TNS2: variants seen among roughly 807,000 people sequenced by gnomAD.
TNS2 encodes the protein tensin-2.
Under a neutral mutation model 155.7 loss-of-function variants are expected in TNS2, and 77 were observed. The ratio of observed to expected loss-of-function variants is 0.49; its 90% CI spans 0.41 to 0.60. The LOEUF is 0.60. TNS2 is among the 20% of genes least tolerant of loss of function. TNS2 has a pLI of 0.00. For synonymous variants in TNS2, 726 were observed against 763.9 expected (o/e 0.95, Z 0.82); for missense variants, 1,703 against 1,868.8 (o/e 0.91, Z 1.64).
In TNS2 at chr12:53,054,357, C is replaced by T. The variant is rs780031234; in HGVS notation, c.438C>T (p.Pro146=). Residue 146 remains proline, a synonymous_variant, in exon 7 of 29, where the codon CCC becomes CCT. Coordinates refer to ENST00000314250, the MANE Select transcript of TNS2 (RefSeq NM_170754.4). Reference sequence around the variant, plus strand: ...AGCGCATCTTGGCCGCCGCCTTCCCCGCGCGGCCCGATGAACAGCGGCACC... The same window carrying T: ...AGCGCATCTTGGCCGCCGCCTTCCCTGCGCGGCCCGATGAACAGCGGCACC... The part of the protein sequence containing the change: ...VTERILAAAF[P]ARPDEQRHRG... 2.5e-5 allele frequency: 40 copies of T among 1,612,550 alleles called. No individual in the cohort carries two copies. The highest frequency in any genetic ancestry group is 1.6e-4 in the Middle Eastern group (1 of 6,078).
At chr12:53,057,303 G>A (rs1024526242) in intron 11 of TNS2, among the ~76,000 whole-genome samples, 23 of 152,296 alleles carry the variant, frequency 1.5e-4, no homozygotes, top group African/African-American at 4.8e-4. Flanking sequence ...ATAAATAGAC[G>A]AGGAGATCAG....
At chr12:53,049,651 G>T (rs1943853503), upstream of TNS2, among the ~76,000 whole-genome samples, 1 of 152,134 alleles carries the variant, frequency 6.6e-6, no homozygotes, top group African/African-American at 2.4e-5. Context: ...TCCTGGGCCT[G>T]CCTGCTGGTA....
In TNS2 at chr12:53,064,229, C is replaced by T; in HGVS notation, c.*347C>T. 3.7e-6 allele frequency: 1 copy of T among 267,234 alleles called. No homozygotes were observed. Among genetic ancestry groups the T allele is most frequent in the Non-Finnish European group, 7.1e-6 (1 of 140,428 alleles). 16.6% of individuals were successfully genotyped at this position (267,234 alleles called of 1,614,324 possible). A position where few individuals can be genotyped will look rare whatever the true frequency, so the allele number is the denominator to read the frequency against. ...AGCCCCTGCCAGTTCCACCCAGCTG[C>T]AGGTGCCAGCACGGCAGGGATGGGA... On this transcript the variant is annotated 3_prime_UTR_variant, in exon 29 of 29. Coordinates refer to ENST00000314250, the MANE Select transcript of TNS2 (RefSeq NM_170754.4).
At position 53,061,137 on chromosome 12, in the gene TNS2, C is replaced by A; in HGVS notation, c.3231C>A (p.Arg1077=). ...GLSQPPLPEK[R]HLPGPGQQPG... ...GCCAGCCCCCACTTCCTGAGAAACG[C>A]CACCTGCCCGGGCCGGGGCAACAGC... is the stretch of plus-strand genomic sequence containing the variant. Residue 1077 remains arginine (R), a synonymous_variant, in exon 20 of 29, where the codon CGC becomes CGA. Transcript: ENST00000314250. The A allele has an allele frequency of 6.2e-7, 1 of 1,610,196 alleles. No individual in the cohort carries two copies. Among genetic ancestry groups the A allele is most frequent in the Non-Finnish European group, 8.5e-7 (1 of 1,178,106 alleles).
At chr12:53,051,452 A>T (rs1342406585) in intron 1 of TNS2, among the ~76,000 whole-genome samples, 2 of 152,116 alleles carry the variant, frequency 1.3e-5, no homozygotes, top group African/African-American at 4.8e-5. Flanking sequence ...CATACAACAC[A>T]TATGTTTGGA....
In TNS2 at chr12:53,051,944, G is replaced by A. The variant is rs1293671431; in HGVS notation, c.165G>A (p.Gly55=). The change falls in exon 2 of 29, where the codon GGG becomes GGA. Residue 55 remains glycine, a synonymous_variant. Coordinates refer to ENST00000314250, the MANE Select transcript of TNS2 (RefSeq NM_170754.4). ...VCAVCKVTID[G]TGVSCRVCKV... ...CAGTATGTAAGGTGACCATCGATGG[G>A]ACAGGCGTTTCGTGCAGAGGTGAGG... The A allele has an allele frequency of 3.1e-6, 5 of 1,613,272 alleles. No individual in the cohort carries two copies. Among genetic ancestry groups the A allele is most frequent in the East Asian group, 4.5e-5 (2 of 44,876 alleles).
At position 53,050,399 on chromosome 12, in the gene TNS2, G is replaced by A. The variant is rs571717919; in HGVS notation, c.75+139G>A. On this transcript the variant is annotated intron_variant, in intron 1 of 28. Coordinates refer to ENST00000314250, the MANE Select transcript of TNS2 (RefSeq NM_170754.4). This position sits in a 1 kb window ranked among gnomAD's most constrained non-coding sequence, Gnocchi z 4.7. ...TCTTCCCTGGCCCAGCATCCCCTCCGGAGTGGCCAGGGCTGTAGTGTGAGG... is the reference window on the plus strand; with the variant it reads ...TCTTCCCTGGCCCAGCATCCCCTCCAGAGTGGCCAGGGCTGTAGTGTGAGG... 229 of 1,040,630 alleles carry A rather than the reference G, an allele frequency of 2.2e-4. No homozygotes were observed. The highest frequency in any genetic ancestry group is 8.1e-4 in the Middle Eastern group (3 of 3,712). 64.5% of individuals were successfully genotyped at this position (1,040,630 alleles called of 1,614,324 possible). A position where few individuals can be genotyped will look rare whatever the true frequency, so the allele number is the denominator to read the frequency against.
Position 53,055,828 on chromosome 12 carries a change from C to G in TNS2, c.744C>G (p.Tyr248Ter). The G allele has an allele frequency of 6.2e-7, 1 of 1,613,506 alleles. No individual in the cohort carries two copies. Among genetic ancestry groups the G allele is most frequent in the Non-Finnish European group, 8.5e-7 (1 of 1,179,776 alleles). Residue 248 changes from tyrosine (Y) to a stop codon, truncating the protein, a stop_gained, in exon 10 of 29, where the codon TAC becomes TAG. Coordinates refer to ENST00000314250, the MANE Select transcript of TNS2 (RefSeq NM_170754.4). LOFTEE classifies it high-confidence loss of function. ...LGVIVSAYMH[Y>*]SKISAGADQA... ...TCATCGTTTCTGCCTACATGCACTA[C>G]AGCAAGATCTCTGCAGGGTGAGGCT...
In TNS2 at chr12:53,050,672, C is replaced by CAGGAGTGCTTTGGAACTGG. The variant is rs1236641785; in HGVS notation, c.75+416_75+434dup. Among the ~76,000 whole-genome samples, 1 of 152,102 alleles carries CAGGAGTGCTTTGGAACTGG rather than the reference C, an allele frequency of 6.6e-6. No homozygotes were observed. The highest frequency in any genetic ancestry group is 6.5e-5 in the Admixed American group (1 of 15,274). ...TGGAAAAAGAGAGAGGAGAGGGAGTCAGGAGTGCTTTGGAACTGGAGGTTT... is the reference window on the plus strand; with the variant it reads ...TGGAAAAAGAGAGAGGAGAGGGAGTCAGGAGTGCTTTGGAACTGGAGGAGTGCTTTGGAACTGGAGGTTT... On this transcript the variant is annotated intron_variant, in intron 1 of 28. Transcript: ENST00000314250. The surrounding 1 kb of genome is among the most constrained non-coding windows in gnomAD (Gnocchi z 4.7).
intron 7 of TNS2, 49 bp from the exon 8 acceptor site, chr12:53,055,137 C>G (rs754753256): frequency 6.3e-7 from 1 of 1,599,766 alleles, no homozygotes; most frequent in Non-Finnish European, 8.6e-7. Flanking sequence ...CACCTCGTGC[C>G]TCATTGCCGG....
upstream of TNS2, chr12:53,049,954 C>A (rs1388775199): frequency 3.0e-5 from 34 of 1,124,374 alleles, no homozygotes; most frequent in South Asian, 5.4e-4. Flanking sequence ...GGAATCTGAT[C>A]TCCTGGCCTC....
At position 53,050,681 on chromosome 12, in the gene TNS2, T is replaced by C. The variant is rs1943899091; in HGVS notation, c.75+421T>C. The stretch of plus-strand genomic sequence containing the variant: ...AGAGAGGAGAGGGAGTCAGGAGTGC[T>C]TTGGAACTGGAGGTTTGCTTTCCAC... On this transcript the variant is annotated intron_variant, in intron 1 of 28. Coordinates refer to ENST00000314250, the MANE Select transcript of TNS2 (RefSeq NM_170754.4). This position sits in a 1 kb window ranked among gnomAD's most constrained non-coding sequence, Gnocchi z 4.7. Among the ~76,000 whole-genome samples the C allele has an allele frequency of 6.6e-6, 1 of 152,028 alleles. No homozygotes were observed. The highest frequency in any genetic ancestry group is 1.5e-5 in the Non-Finnish European group (1 of 67,986).
Position 53,058,694 on chromosome 12 carries a change from A to G in TNS2, c.1292-20A>G. 1 of 1,613,690 alleles carries G rather than the reference A, an allele frequency of 6.2e-7. No homozygotes were observed. The highest frequency in any genetic ancestry group is 8.5e-7 in the Non-Finnish European group (1 of 1,179,904). On this transcript the variant is annotated intron_variant, in intron 16 of 28. Coordinates refer to ENST00000314250, the MANE Select transcript of TNS2 (RefSeq NM_170754.4). ...GGCCGCCTCTCCCCTGCTCCCCAAT[A>G]CCCGAGTGGCCTTCCACAGGCAGCA...
rs1944467753 is a variant in TNS2 at position 53,063,946 on chromosome 12, A to G, written c.*64A>G. ...CCCCTCCCAGCACCCCACAGCCCTC[A>G]CATCCCCTGGCCTGGACCCAGGAGA... On this transcript the variant is annotated 3_prime_UTR_variant, in exon 29 of 29. Transcript: ENST00000314250. This position sits in a 1 kb window ranked among gnomAD's most constrained non-coding sequence, Gnocchi z 5.6. 1 of 1,578,464 alleles carries G rather than the reference A, an allele frequency of 6.3e-7. No homozygotes were observed. The highest frequency in any genetic ancestry group is 1.7e-5 in the Admixed American group (1 of 58,136).
At chr12:53,049,174 G>A (rs767264567), upstream of TNS2, 2 of 1,587,080 alleles carry the variant, frequency 1.3e-6, no homozygotes, top group East Asian at 2.3e-5. Context: ...TGTTGGGAGG[G>A]GGGACCTCCT....
chr12:53,062,802 C>G (rs1944425290), intron 25 of TNS2, 105 bp downstream of exon 25: 5 of 1,383,570 alleles, frequency 3.6e-6, no homozygotes, highest in Middle Eastern at 3.6e-4. Flanking sequence ...TGAGCCCTGG[C>G]CAACCCATGA....
At chr12:53,061,693 C>A (rs983507771) in intron 21 of TNS2, 122 bp from the exon 22 acceptor site, 1 of 1,503,084 alleles carries the variant, frequency 6.7e-7, no homozygotes. Flanking sequence ...CAGACTCTTA[C>A]CGCCACCACA....
In TNS2 at chr12:53,050,317, G is replaced by T; in HGVS notation, c.75+57G>T. The stretch of plus-strand genomic sequence containing the variant: ...GGCAGGGGTGGAGGTGCGGGCAGTG[G>T]GGGAGGGGACCAGGAATCAGGCCAG... On this transcript the variant is annotated intron_variant, in intron 1 of 28. Coordinates refer to ENST00000314250, the MANE Select transcript of TNS2 (RefSeq NM_170754.4). This position sits in a 1 kb window ranked among gnomAD's most constrained non-coding sequence, Gnocchi z 4.7. 6.6e-7 allele frequency: 1 copy of T among 1,514,270 alleles called. No individual in the cohort carries two copies. The highest frequency in any genetic ancestry group is 2.4e-5 in the East Asian group (1 of 41,972). 93.8% of individuals were successfully genotyped at this position (1,514,270 alleles called of 1,614,324 possible). A position where few individuals can be genotyped will look rare whatever the true frequency, so the allele number is the denominator to read the frequency against.
chr12:53,053,144 A>C (rs888644019), intron 3 of TNS2: 2 of 477,714 alleles, frequency 4.2e-6, no homozygotes, highest in Non-Finnish European at 7.6e-6. Flanking sequence ...GCTTGGCTCT[A>C]TATATAACTC....
Sources: allele counts gnomAD v4.1 joint callset (sites outside exome capture counted in the v4.1 genomes callset), GRCh38; gene constraint gnomAD v4.1.1; non-coding constraint Gnocchi (gnomAD v3.1); transcripts MANE v1.5; gene names NCBI Gene and HGNC (gene_info 2026-07-23, HGNC 2026-07-21).